Variants in FAM120A observed in about 807,000 individuals in gnomAD.
FAM120A encodes the protein family with sequence similarity 120 member A, also known as constitutive coactivator of PPAR-gamma-like protein 1.
Under a neutral mutation model 109.7 loss-of-function variants are expected in FAM120A, and 15 were observed. The ratio of observed to expected loss-of-function variants is 0.14; its 90% CI spans 0.09 to 0.21. The LOEUF is 0.21. FAM120A is among the 10% of genes least tolerant of loss of function. The pLI is 1.00. For synonymous variants in FAM120A, 493 were observed against 572.8 expected (o/e 0.86, Z 1.99); for missense variants, 899 against 1,439.3 (o/e 0.62, Z 6.07).
chr9:93,452,598 C>A lies in FAM120A; in HGVS notation c.474+209C>A, dbSNP rs1175649620. 6 of 1,598,720 alleles carry A rather than the reference C, an allele frequency of 3.8e-6. No individual in the cohort carries two copies. The highest frequency in any genetic ancestry group is 5.1e-6 in the Non-Finnish European group (6 of 1,179,542). ...GCTGCCCAAGCCCGTCTCCAGCTGTCCCTGTTCGGGGTCCGCGGCCGCGTG... is the reference window on the plus strand; with the variant it reads ...GCTGCCCAAGCCCGTCTCCAGCTGTACCTGTTCGGGGTCCGCGGCCGCGTG... On this transcript the variant is annotated intron_variant, in intron 1 of 17. Transcript: ENST00000277165. This position sits in a 1 kb window ranked among gnomAD's most constrained non-coding sequence, Gnocchi z 7.0.
At chr9:93,538,299 G>A (rs1047302839) in intron 10 of FAM120A, among the ~76,000 whole-genome samples, 41 of 152,178 alleles carry the variant, frequency 2.7e-4, no homozygotes, top group African/African-American at 8.9e-4. Context: ...GCTTACAGAC[G>A]TATCAGCCTG....
At chr9:93,547,034 G>A (rs1176430829) in intron 11 of FAM120A, among the ~76,000 whole-genome samples, 2 of 152,214 alleles carry the variant, frequency 1.3e-5, no homozygotes, top group Non-Finnish European at 2.9e-5. Flanking sequence ...TGGCAGCAAT[G>A]GGGATGGACA....
chr9:93,565,985 A>G lies in FAM120A; in HGVS notation c.*1445A>G, dbSNP rs1370227870. On this transcript the variant is annotated 3_prime_UTR_variant, in exon 18 of 18. Transcript: ENST00000277165. The stretch of plus-strand genomic sequence containing the variant: ...GTTGAAGGGAGTTTTGCCCTAACTC[A>G]TGGATTGTGCAAGAATGAACTGCTG... 6.6e-6 allele frequency: 1 copy of G among 152,636 alleles called. No individual in the cohort carries two copies. Among genetic ancestry groups the G allele is most frequent in the East Asian group, 1.9e-4 (1 of 5,198 alleles). The allele number at this position is 152,636 out of a possible 1,614,324, so 9.5% of individuals were successfully genotyped here. A position where few individuals can be genotyped will look rare whatever the true frequency, so the allele number is the denominator to read the frequency against.
chr9:93,483,349 G>A (rs1316834085), intron 3 of FAM120A, among the ~76,000 whole-genome samples: 1 of 151,626 alleles, frequency 6.6e-6, no homozygotes, highest in Non-Finnish European at 1.5e-5. Flanking sequence ...GGCCTGAAAG[G>A]TAAGTAAATT....
At chr9:93,542,465 G>A (rs1861738707) in intron 10 of FAM120A, among the ~76,000 whole-genome samples, 2 of 152,220 alleles carry the variant, frequency 1.3e-5, no homozygotes, top group African/African-American at 4.8e-5. Flanking sequence ...AAATGTGCAT[G>A]TTTATGTATT....
In FAM120A at chr9:93,564,307, G is replaced by A. The variant is rs762477782; in HGVS notation, c.3124G>A (p.Ala1042Thr). ...AAAATCTGGGGAATCGAAGTCCTCT[G>A]CTATGTCTTCAGACGGGTCCCTGGC... ...KSKSGESKSS[A>T]MSSDGSLAEN... The change falls in exon 18 of 18, where the codon GCT becomes ACT. Residue 1042 changes from alanine (A) to threonine (T), a missense_variant. Ala to Thr is a moderately conservative substitution (Grantham distance 58, BLOSUM62 0). Transcript: ENST00000277165. 4.3e-6 allele frequency: 7 copies of A among 1,614,238 alleles called. No individual in the cohort carries two copies. The highest frequency in any genetic ancestry group is 5.9e-6 in the Non-Finnish European group (7 of 1,180,032).
chr9:93,474,089 A>ACAAG (rs1858438947), intron 2 of FAM120A, among the ~76,000 whole-genome samples: 1 of 152,106 alleles, frequency 6.6e-6, no homozygotes, highest in African/African-American at 2.4e-5. Context: ...TAAATGAAAA[A>ACAAG]ATCAATTGCA....
At chr9:93,503,639 G>A (rs945269625) in intron 5 of FAM120A, among the ~76,000 whole-genome samples, 1 of 152,080 alleles carries the variant, frequency 6.6e-6, no homozygotes, top group Non-Finnish European at 1.5e-5. Flanking sequence ...ATACTGTAAC[G>A]GTGGATACAT....
intron 3 of FAM120A, 129 bp downstream of exon 3, chr9:93,476,467 T>G (rs1858552803): frequency 1.5e-6 from 1 of 647,242 alleles, no homozygotes; most frequent in Admixed American, 2.6e-5. Context: ...TCCCATAATT[T>G]CAGGATCTGC....
At chr9:93,453,044 G>A (rs1477816342) in intron 1 of FAM120A, 5 of 1,127,776 alleles carry the variant, frequency 4.4e-6, no homozygotes, top group African/African-American at 3.4e-5. Flanking sequence ...TCAAAGACCC[G>A]TGCACTTTGA....
At chr9:93,540,079 A>G (rs777888389) in intron 10 of FAM120A, among the ~76,000 whole-genome samples, 15 of 152,138 alleles carry the variant, frequency 9.9e-5, no homozygotes, top group Non-Finnish European at 1.8e-4. Context: ...CTGTGTTGCA[A>G]AGTTAGGTGT....
chr9:93,457,776 A>T (rs1416183078), intron 1 of FAM120A, among the ~76,000 whole-genome samples: 1 of 151,748 alleles, frequency 6.6e-6, no homozygotes, highest in African/African-American at 2.4e-5. Context: ...TTTATCAACA[A>T]TTATCATGGT....
At chr9:93,489,148 C>T (rs991606865) in intron 3 of FAM120A, among the ~76,000 whole-genome samples, 4 of 152,184 alleles carry the variant, frequency 2.6e-5, no homozygotes, top group Non-Finnish European at 5.9e-5. Context: ...TAAAAAAAGG[C>T]GCAATTTTGA....
Position 93,532,463 on chromosome 9 carries a change from G to T in FAM120A, c.1909+134G>T, listed in dbSNP as rs1056362046. 2 of 887,464 alleles carry T rather than the reference G, an allele frequency of 2.3e-6. No individual in the cohort carries two copies. Among genetic ancestry groups the T allele is most frequent in the Non-Finnish European group, 1.8e-6 (1 of 554,334 alleles). 55.0% of individuals were successfully genotyped at this position (887,464 alleles called of 1,614,324 possible). Reference sequence around the variant, plus strand: ...GTGTAAAGGAGGTGGGCCCATCATCGGGGCAGTAGGCCAGGGTAAAGGCTC... The same window carrying T: ...GTGTAAAGGAGGTGGGCCCATCATCTGGGCAGTAGGCCAGGGTAAAGGCTC... On this transcript the variant is annotated intron_variant, in intron 10 of 17. Coordinates refer to ENST00000277165, the MANE Select transcript of FAM120A (RefSeq NM_014612.5). The surrounding 1 kb of genome is among the most constrained non-coding windows in gnomAD (Gnocchi z 4.3).
chr9:93,484,318 A>G (rs558308204), intron 3 of FAM120A, among the ~76,000 whole-genome samples: 2 of 152,174 alleles, frequency 1.3e-5, no homozygotes, highest in Non-Finnish European at 2.9e-5. Context: ...TCCTTGTTAC[A>G]GGATTGCTTT....
intron 3 of FAM120A, among the ~76,000 whole-genome samples, chr9:93,486,083 C>T (rs1859036378): frequency 6.6e-6 from 1 of 152,176 alleles, no homozygotes; most frequent in African/African-American, 2.4e-5. Context: ...GGCAATCCTC[C>T]TGCCTCAGCC....
At chr9:93,549,148 A>G (rs926659264) in intron 11 of FAM120A, among the ~76,000 whole-genome samples, 2 of 152,232 alleles carry the variant, frequency 1.3e-5, no homozygotes, top group Admixed American at 6.5e-5. Context: ...TGATTTTGTC[A>G]TTGCAAATAT....
chr9:93,518,686 G>A (rs980423401), intron 7 of FAM120A, among the ~76,000 whole-genome samples: 6 of 152,144 alleles, frequency 3.9e-5, no homozygotes, highest in African/African-American at 1.2e-4. Flanking sequence ...AGTGAGGAGC[G>A]GGGAACTGGG....
chr9:93,532,378 C>T lies in FAM120A; in HGVS notation c.1909+49C>T. 6.3e-7 allele frequency: 1 copy of T among 1,593,728 alleles called. No homozygotes were observed. On this transcript the variant is annotated intron_variant, in intron 10 of 17. Coordinates refer to ENST00000277165, the MANE Select transcript of FAM120A (RefSeq NM_014612.5). This position sits in a 1 kb window ranked among gnomAD's most constrained non-coding sequence, Gnocchi z 4.3. ...TTTGTTTTCCTCGGTACCTCGTAAT[C>T]TCTTGTGCATTTTCTAAAGCCTTAG...
Sources: allele counts gnomAD v4.1 joint callset (sites outside exome capture counted in the v4.1 genomes callset), GRCh38; gene constraint gnomAD v4.1.1; non-coding constraint Gnocchi (gnomAD v3.1); transcripts MANE v1.5; gene names NCBI Gene and HGNC (gene_info 2026-07-23, HGNC 2026-07-21).